SNRPB2: variants seen among roughly 807,000 people sequenced by gnomAD.
The protein encoded by SNRPB2 is U2 small nuclear ribonucleoprotein B''.
Under a neutral mutation model 26.3 loss-of-function variants are expected in SNRPB2, and 16 were observed. The observed-to-expected ratio is 0.61, with a 90% confidence interval of 0.41 to 0.92. The LOEUF is 0.92. Among genes scored for constraint, SNRPB2 ranks in the 40% least tolerant of loss-of-function variants. The probability of loss-of-function intolerance (pLI) is 0.00; values close to 1 mark genes in which losing one functional copy is unlikely to be tolerated. For missense variants in SNRPB2, 179 were observed against 268.1 expected (o/e 0.67, Z 2.32); for synonymous variants, 75 against 89.0 (o/e 0.84, Z 0.88).
intron 4 of SNRPB2, among the ~76,000 whole-genome samples, chr20:16,738,516 G>C (rs1278928223): frequency 2.6e-5 from 4 of 151,272 alleles, no homozygotes; most frequent in African/African-American, 9.7e-5. Flanking sequence ...TTAAAAGTCA[G>C]TTTTATTAAA....
At chr20:16,733,411 A>G (rs2072405653) in intron 3 of SNRPB2, among the ~76,000 whole-genome samples, 1 of 152,262 alleles carries the variant, frequency 6.6e-6, no homozygotes, top group South Asian at 2.1e-4. Flanking sequence ...AGACTGTGGT[A>G]CAGACCGCTG....
At position 16,732,167 on chromosome 20, in the gene SNRPB2, T is replaced by A. The variant is rs1194521885; in HGVS notation, c.68T>A (p.Leu23Ter). ...NMNDKIKKEE[L>*]KRSLYALFSQ... is the part of the protein sequence containing the mutation. The stretch of plus-strand genomic sequence containing the variant: ...GTTTCTTTTCTAATTTGGACAGAAT[T>A]GAAGAGATCCCTATATGCCCTGTTT... The change falls in exon 3 of 7, where the codon TTG (leucine) becomes TAG (stop). Residue 23 changes from leucine (L) to a stop codon, truncating the protein, a stop_gained. Transcript: ENST00000246071. LOFTEE classifies it high-confidence loss of function. 6.3e-7 allele frequency: 1 copy of A among 1,577,944 alleles called. No homozygotes were observed. Among genetic ancestry groups the A allele is most frequent in the Admixed American group, 1.8e-5 (1 of 54,142 alleles).
intron 5 of SNRPB2, 77 bp from the exon 6 acceptor site, chr20:16,740,248 A>T (rs2072454392): frequency 6.3e-7 from 1 of 1,579,538 alleles, no homozygotes; most frequent in African/African-American, 1.4e-5. Context: ...ATTGTTTGAT[A>T]TAGTAAGATT....
rs1158560379 is a variant in SNRPB2 at position 16,737,200 on chromosome 20, A to G, written c.238-61A>G. On this transcript the variant is annotated intron_variant, in intron 3 of 6. Coordinates refer to ENST00000246071, the MANE Select transcript of SNRPB2 (RefSeq NM_003092.5). ...TTTGCGTAATGAAATTTGAAATATTAATGACTAGTGTAAACATCCTTCAGC... is the reference window on the plus strand; with the variant it reads ...TTTGCGTAATGAAATTTGAAATATTGATGACTAGTGTAAACATCCTTCAGC... 9 of 1,307,496 alleles carry G rather than the reference A, an allele frequency of 6.9e-6. No individual in the cohort carries two copies. In the East Asian group the frequency reaches 2.2e-4, roughly 32 times the overall value. The allele number at this position is 1,307,496 out of a possible 1,614,324, so 81.0% of individuals were successfully genotyped here.
intron 5 of SNRPB2, 83 bp downstream of exon 5, chr20:16,738,985 C>A: frequency 1.1e-6 from 1 of 879,372 alleles, no homozygotes; most frequent in Non-Finnish European, 1.9e-6. Flanking sequence ...TCCATGTCTC[C>A]AAAAACAAAA....
chr20:16,733,563 A>G (rs1485294048), intron 3 of SNRPB2, among the ~76,000 whole-genome samples: 1 of 152,188 alleles, frequency 6.6e-6, no homozygotes, highest in Admixed American at 6.5e-5. Flanking sequence ...TTTCTGCATT[A>G]CAGGTCAGCA....
At chr20:16,730,895 C>G (rs888509201) in intron 1 of SNRPB2, 1 of 151,934 alleles carries the variant, frequency 6.6e-6, no homozygotes, top group African/African-American at 2.4e-5. Context: ...TAGGCAAGTT[C>G]CTTACCTGGT....
At chr20:16,733,083 T>C (rs2072403575) in intron 3 of SNRPB2, among the ~76,000 whole-genome samples, 3 of 152,168 alleles carry the variant, frequency 2.0e-5, no homozygotes, top group Admixed American at 6.5e-5. Flanking sequence ...TAGAATGTGA[T>C]GTGAAGGAGT....
intron 6 of SNRPB2, 52 bp downstream of exon 6, chr20:16,740,465 G>A: frequency 6.3e-7 from 1 of 1,599,754 alleles, no homozygotes; most frequent in Non-Finnish European, 8.5e-7. Flanking sequence ...CACAGGACAA[G>A]TAGTACTTCC....
intron 3 of SNRPB2, 53 bp from the exon 4 acceptor site, chr20:16,737,208 G>A: frequency 7.0e-7 from 1 of 1,427,672 alleles, no homozygotes; most frequent in South Asian, 1.4e-5. Context: ...TTAATGACTA[G>A]TGTAAACATC....
At chr20:16,739,226 C>G (rs1315540467) in intron 5 of SNRPB2, among the ~76,000 whole-genome samples, 1 of 152,200 alleles carries the variant, frequency 6.6e-6, no homozygotes, top group Non-Finnish European at 1.5e-5. Flanking sequence ...TACACAGTTG[C>G]ATGGGTAAGG....
rs779413939 is a variant in SNRPB2 at position 16,731,729 on chromosome 20, T to A, written c.27T>A (p.Ile9=). Reference sequence around the variant, plus strand: ...TGGATATCAGACCAAATCATACAATTTATATCAACAATATGAATGACAAAA... The same window carrying A: ...TGGATATCAGACCAAATCATACAATATATATCAACAATATGAATGACAAAA... MDIRPNHT[I]YINNMNDKIK... The change falls in exon 2 of 7, where the codon ATT becomes ATA. Residue 9 remains isoleucine (I), a synonymous_variant. Transcript: ENST00000246071. The A allele has an allele frequency of 6.2e-7, 1 of 1,612,560 alleles. No homozygotes were observed. The highest frequency in any genetic ancestry group is 1.7e-5 in the Admixed American group (1 of 59,864).
At chr20:16,736,099 T>G (rs2122502941) in intron 3 of SNRPB2, among the ~76,000 whole-genome samples, 1 of 152,358 alleles carries the variant, frequency 6.6e-6, no homozygotes, top group South Asian at 2.1e-4. Flanking sequence ...AAACCAAGTA[T>G]CCTTCATTGA....
Position 16,740,868 on chromosome 20 carries a change from C to T in SNRPB2, c.541C>T (p.Arg181Cys). The T allele has an allele frequency of 4.3e-6, 7 of 1,611,374 alleles. No homozygotes were observed. Among genetic ancestry groups the T allele is most frequent in the Non-Finnish European group, 5.9e-6 (7 of 1,177,750 alleles). Reference sequence around the variant, plus strand: ...TAGGTTCCCTGGCTTCAAGGAAGTACGTCTGGTACCAGGGAGGCATGACAT... The same window carrying T: ...TAGGTTCCCTGGCTTCAAGGAAGTATGTCTGGTACCAGGGAGGCATGACAT... ...FNQFPGFKEV[R>C]LVPGRHDIAF... Residue 181 changes from arginine (R) to cysteine (C), a missense_variant, in exon 7 of 7, where the codon CGT becomes TGT. Physicochemically the swap from Arg to Cys is radical, Grantham distance 180. This residue lies in a region of SNRPB2 where 34 missense variants were observed against 87.4 expected (regional missense o/e 0.39). Coordinates refer to ENST00000246071, the MANE Select transcript of SNRPB2 (RefSeq NM_003092.5).
intron 3 of SNRPB2, among the ~76,000 whole-genome samples, chr20:16,735,284 A>G (rs1466557943): frequency 6.6e-6 from 1 of 152,190 alleles, no homozygotes; most frequent in African/African-American, 2.4e-5. Context: ...AATTTTGCAT[A>G]CCTATTGTAT....
chr20:16,739,483 C>T (rs1239503535), intron 5 of SNRPB2, among the ~76,000 whole-genome samples: 1 of 151,246 alleles, frequency 6.6e-6, no homozygotes, highest in Non-Finnish European at 1.5e-5. Context: ...TTTTTTTTTC[C>T]AGATGGCGGG....
At position 16,741,651 on chromosome 20, in the gene SNRPB2, G is replaced by A. The variant is rs2072463623; in HGVS notation, c.*646G>A. 6.6e-6 allele frequency: 1 copy of A among 152,184 alleles called. No homozygotes were observed. The highest frequency in any genetic ancestry group is 1.9e-4 in the East Asian group (1 of 5,200). The allele number at this position is 152,184 out of a possible 1,614,324, so 9.4% of individuals were successfully genotyped here. On this transcript the variant is annotated 3_prime_UTR_variant, in exon 7 of 7. Coordinates refer to ENST00000246071, the MANE Select transcript of SNRPB2 (RefSeq NM_003092.5). ...TTAATGCTGTTTCCTTCATGAGGCA[G>A]GACTGTTCTAAGGTTAATATGCAAT... is the stretch of plus-strand genomic sequence containing the variant.
chr20:16,738,671 A>C (rs1018268742), intron 4 of SNRPB2, among the ~76,000 whole-genome samples, 181 bp from the exon 5 acceptor site: 3 of 152,188 alleles, frequency 2.0e-5, no homozygotes, highest in Admixed American at 6.5e-5. Flanking sequence ...TAACCGACAA[A>C]TTAAGAACAT....
intron 3 of SNRPB2, among the ~76,000 whole-genome samples, chr20:16,734,987 A>G (rs944710851): frequency 6.6e-5 from 10 of 152,182 alleles, no homozygotes; most frequent in African/African-American, 2.4e-4. Flanking sequence ...TTTTGGTTAG[A>G]TGATGATGGC....
Sources: allele counts gnomAD v4.1 joint callset (sites outside exome capture counted in the v4.1 genomes callset), GRCh38; gene constraint gnomAD v4.1.1; regional missense constraint gnomAD v4.1.1; transcripts MANE v1.5; gene names NCBI Gene and HGNC (gene_info 2026-07-23, HGNC 2026-07-21).